Variants in MTUS1 observed in about 807,000 individuals in gnomAD.
The protein encoded by MTUS1 is microtubule-associated tumor suppressor 1.
Under a neutral mutation model 120.8 loss-of-function variants are expected in MTUS1, and 109 were observed. That is an observed-to-expected ratio of 0.90 (90% CI 0.77 to 1.06). The LOEUF is 1.06. Among genes scored for constraint, MTUS1 ranks in the 50% least tolerant of loss-of-function variants. The pLI, the probability that MTUS1 is intolerant of heterozygous loss-of-function variation, is 0.00. For missense variants in MTUS1, 2,210 were observed against 1,486.3 expected, an observed-to-expected ratio of 1.49 and a Z score of -8.01; for synonymous variants, 737 against 550.5, an observed-to-expected ratio of 1.34 and a Z score of -4.74.
intron 8 of MTUS1, among the ~76,000 whole-genome samples, chr8:17,667,506 G>T (rs1440251199): frequency 6.6e-6 from 1 of 152,192 alleles, no homozygotes; most frequent in Non-Finnish European, 1.5e-5. Context: ...CATAGACACT[G>T]GGTTAAGTGT....
At chr8:17,734,918 T>C (rs957661285) in intron 3 of MTUS1, among the ~76,000 whole-genome samples, 6 of 152,038 alleles carry the variant, frequency 3.9e-5, no homozygotes, top group African/African-American at 1.4e-4. Flanking sequence ...CAACTTTTTT[T>C]TTTTTCTTTT....
chr8:17,742,272 T>TGTG (rs2047375561), intron 3 of MTUS1, among the ~76,000 whole-genome samples: 1 of 124,998 alleles, frequency 8.0e-6, no homozygotes, highest in South Asian at 2.6e-4. Context: ...CCCAGCTGTT[T>TGTG]TTTTTTTTTG....
chr8:17,659,758 T>C (rs1389243366), intron 8 of MTUS1, among the ~76,000 whole-genome samples: 1 of 152,184 alleles, frequency 6.6e-6, no homozygotes, highest in East Asian at 1.9e-4. Context: ...TAATTATTTT[T>C]AGGTGTATGA....
chr8:17,673,225 G>A (rs1812386877), intron 8 of MTUS1, among the ~76,000 whole-genome samples: 2 of 152,194 alleles, frequency 1.3e-5, no homozygotes, highest in Non-Finnish European at 2.9e-5. Flanking sequence ...CAAAGTCTGA[G>A]AGCTGGGCTG....
chr8:17,792,735 A>G (rs894687626), intron 1 of MTUS1, among the ~76,000 whole-genome samples: 7 of 152,204 alleles, frequency 4.6e-5, no homozygotes, highest in African/African-American at 9.6e-5. Context: ...GCGGTGGCGC[A>G]TACCTGTAGT....
intron 1 of MTUS1, among the ~76,000 whole-genome samples, chr8:17,785,818 A>G (rs576353967): frequency 1.3e-5 from 2 of 152,284 alleles, no homozygotes; most frequent in African/African-American, 4.8e-5. Context: ...AAAGAAATAC[A>G]CCAAGGGAAG....
intron 1 of MTUS1, among the ~76,000 whole-genome samples, chr8:17,788,661 A>G (rs1431173674): frequency 2.6e-5 from 4 of 152,170 alleles, no homozygotes; most frequent in South Asian, 4.1e-4. Flanking sequence ...ATATTTCTCA[A>G]TCTAAGTCAA....
chr8:17,668,403 A>G (rs1585540817), intron 8 of MTUS1, among the ~76,000 whole-genome samples: 1 of 152,206 alleles, frequency 6.6e-6, no homozygotes, highest in Non-Finnish European at 1.5e-5. Context: ...GATCATAATC[A>G]TGGCCCTCTA....
intron 4 of MTUS1, among the ~76,000 whole-genome samples, chr8:17,716,871 T>C (rs1822448314): frequency 6.6e-6 from 1 of 152,202 alleles, no homozygotes; most frequent in Non-Finnish European, 1.5e-5. Context: ...TTCCAAATAA[T>C]GATCAATATC....
At chr8:17,788,163 T>A (rs1651982572) in intron 1 of MTUS1, among the ~76,000 whole-genome samples, 2 of 152,068 alleles carry the variant, frequency 1.3e-5, no homozygotes, top group Admixed American at 1.3e-4. Context: ...ACATTCTGTA[T>A]CTTGATTGGT....
intron 4 of MTUS1, among the ~76,000 whole-genome samples, chr8:17,718,639 T>C (rs1475660961): frequency 1.3e-5 from 2 of 152,006 alleles, no homozygotes; most frequent in African/African-American, 2.4e-5. Flanking sequence ...AAATTTTTCA[T>C]GTGGCCACCT....
intron 3 of MTUS1, among the ~76,000 whole-genome samples, chr8:17,725,061 G>C (rs537870556): frequency 6.6e-6 from 1 of 152,072 alleles, no homozygotes; most frequent in South Asian, 2.1e-4. Context: ...CAGCCATATA[G>C]CCCTATTTTT....
At chr8:17,741,697 G>C (rs1586086152) in intron 3 of MTUS1, among the ~76,000 whole-genome samples, 1 of 152,260 alleles carries the variant, frequency 6.6e-6, no homozygotes, top group East Asian at 1.9e-4. Flanking sequence ...CCTGGGTACT[G>C]GCCTCATTTC....
At chr8:17,731,257 G>C (rs375320825) in intron 3 of MTUS1, among the ~76,000 whole-genome samples, 20 of 152,242 alleles carry the variant, frequency 1.3e-4, no homozygotes, top group African/African-American at 3.6e-4. Flanking sequence ...TGACAATCTC[G>C]AGGTAGATCG....
chr8:17,748,745 A>AC (rs1348364605), intron 2 of MTUS1, among the ~76,000 whole-genome samples: 1 of 150,674 alleles, frequency 6.6e-6, no homozygotes, highest in Non-Finnish European at 1.5e-5. Context: ...TGAATGGGGC[A>AC]CCCCCATCGC....
At chr8:17,692,572 A>G (rs1336675722) in intron 6 of MTUS1, among the ~76,000 whole-genome samples, 1 of 152,180 alleles carries the variant, frequency 6.6e-6, no homozygotes, top group Non-Finnish European at 1.5e-5. Flanking sequence ...CTAATTAAAC[A>G]AACGCATTCA....
chr8:17,771,408 AC>A (rs1473585421), intron 1 of MTUS1, among the ~76,000 whole-genome samples: 1 of 152,228 alleles, frequency 6.6e-6, no homozygotes, highest in Non-Finnish European at 1.5e-5. Flanking sequence ...GGAATCAAAT[AC>A]ATGCTTCATG....
rs140986567 is a variant in MTUS1 at position 17,780,384 on chromosome 8, G to A, written c.-155+20677C>T. On this transcript the variant is annotated intron_variant, in intron 1 of 14. Transcript: ENST00000693296. ...TTTTCTTTATACATTACCCAGCCTCGGGTATTTCAATCTAGCAATGCAAGA... is the reference window on the plus strand; with the variant it reads ...TTTTCTTTATACATTACCCAGCCTCAGGTATTTCAATCTAGCAATGCAAGA... Among the ~76,000 whole-genome samples the A allele has an allele frequency of 8.5e-4, 129 of 152,182 alleles. 1 individual carries two copies. In the East Asian group the frequency reaches 0.021, roughly 25 times the overall value.
In MTUS1 at chr8:17,649,920, G is replaced by A. The variant is rs1411868379; in HGVS notation, c.3427C>T (p.Leu1143=). The change falls in exon 13 of 15, where the codon CTG becomes TTG. Residue 1143 remains leucine (L), a synonymous_variant. Transcript: ENST00000693296. The part of the protein sequence containing the change: ...IMYLEQELES[L]KAVLEIKNEK... ...TTCTTGATCTCTAACACAGCTTTCAGGCTTTCTAACTCCTGTTCTAGATAC... is the reference window on the plus strand; with the variant it reads ...TTCTTGATCTCTAACACAGCTTTCAAGCTTTCTAACTCCTGTTCTAGATAC... 1 of 1,612,048 alleles carries A rather than the reference G, an allele frequency of 6.2e-7. No individual in the cohort carries two copies. The highest frequency in any genetic ancestry group is 8.5e-7 in the Non-Finnish European group (1 of 1,178,356).
Sources: allele counts gnomAD v4.1 joint callset (sites outside exome capture counted in the v4.1 genomes callset), GRCh38; gene constraint gnomAD v4.1.1; transcripts MANE v1.5; gene names NCBI Gene and HGNC (gene_info 2026-07-23, HGNC 2026-07-21).